CSMD1: variants seen among roughly 807,000 people sequenced by gnomAD.
CSMD1 encodes CUB and Sushi multiple domains 1.
A neutral mutation model predicts 417.5 loss-of-function variants in CSMD1; 213 were observed. That is an observed-to-expected ratio of 0.51 (90% CI 0.46 to 0.57). CSMD1 has a LOEUF of 0.57. Ranked by LOEUF, CSMD1 falls within the 20% of genes least tolerant of loss-of-function variation. CSMD1 has a pLI of 0.00. For synonymous variants in CSMD1, 2,862 were observed against 1,736.8 expected (o/e 1.65, Z -16.11); for missense variants, 6,923 against 4,529.7 (o/e 1.53, Z -15.17).
chr8:3,968,753 C>T (rs1417421971), intron 5 of CSMD1, among the ~76,000 whole-genome samples: 1 of 152,072 alleles, frequency 6.6e-6, no homozygotes, highest in Non-Finnish European at 1.5e-5. Flanking sequence ...GCCTCAACAA[C>T]CAAAATGCTG....
intron 3 of CSMD1, among the ~76,000 whole-genome samples, chr8:4,086,483 C>T (rs527500880): frequency 6.6e-6 from 1 of 152,182 alleles, no homozygotes; most frequent in Non-Finnish European, 1.5e-5. Flanking sequence ...TCTGACTGTA[C>T]ATTCATGGAA....
intron 5 of CSMD1, among the ~76,000 whole-genome samples, chr8:3,976,790 C>T (rs768315057): frequency 1.1e-4 from 16 of 152,198 alleles, no homozygotes; most frequent in Non-Finnish European, 1.5e-4. Context: ...CTGAATGCTG[C>T]TCAAGGTCGC....
intron 1 of CSMD1, among the ~76,000 whole-genome samples, chr8:4,939,228 A>G (rs1563817803): frequency 6.6e-6 from 1 of 152,236 alleles, no homozygotes; most frequent in South Asian, 2.1e-4. Flanking sequence ...TAAAGCAAAT[A>G]TGGAAAATTA....
chr8:4,724,365 G>C (rs1809270336), intron 1 of CSMD1, among the ~76,000 whole-genome samples: 2 of 151,912 alleles, frequency 1.3e-5, no homozygotes, highest in Admixed American at 6.6e-5. Context: ...AATATAATAA[G>C]ATTTTCTAGT....
At chr8:3,351,348 T>A (rs919360847) in intron 21 of CSMD1, among the ~76,000 whole-genome samples, 1 of 152,058 alleles carries the variant, frequency 6.6e-6, no homozygotes, top group South Asian at 2.1e-4. Context: ...TGGTGACCCA[T>A]GCCTGTAATC....
At position 3,219,999 on chromosome 8, in the gene CSMD1, G is replaced by A. The variant is rs544929393; in HGVS notation, c.4485-557C>T. ...TGTCTGTACAAAAATACAAAAGTTA[G>A]TAGAGTGTGGTGGTGCACACTTGTA... is the stretch of plus-strand genomic sequence containing the variant. On this transcript the variant is annotated intron_variant, in intron 28 of 69. Transcript: ENST00000635120. Among the ~76,000 whole-genome samples, 22 of 152,180 alleles carry A rather than the reference G, an allele frequency of 1.4e-4. No homozygotes were observed. In the South Asian group the frequency reaches 4.2e-3, roughly 29 times the overall value.
At chr8:4,712,189 G>A (rs1180991101) in intron 1 of CSMD1, among the ~76,000 whole-genome samples, 1 of 152,192 alleles carries the variant, frequency 6.6e-6, no homozygotes, top group Non-Finnish European at 1.5e-5. Flanking sequence ...AGGCTCAAAT[G>A]TCTGCGAATC....
At chr8:2,986,406 C>T (rs1423748771) in intron 54 of CSMD1, among the ~76,000 whole-genome samples, 1 of 152,142 alleles carries the variant, frequency 6.6e-6, no homozygotes, top group Non-Finnish European at 1.5e-5. Context: ...GGTGTGGGTG[C>T]AAACACATAT....
intron 40 of CSMD1, 181 bp downstream of exon 40, chr8:3,151,216 T>C (rs1225869046): frequency 3.9e-6 from 2 of 519,468 alleles, no homozygotes; most frequent in Non-Finnish European, 6.8e-6. Context: ...GCTTAATTGA[T>C]TTTTCAAATA....
chr8:4,329,016 A>C (rs906327007), intron 3 of CSMD1, among the ~76,000 whole-genome samples: 6 of 152,172 alleles, frequency 3.9e-5, no homozygotes, highest in Non-Finnish European at 7.4e-5. Flanking sequence ...TGGGCTTCCA[A>C]CATCAATCTT....
chr8:3,756,772 G>C (rs115648509), intron 5 of CSMD1, among the ~76,000 whole-genome samples: 1 of 151,776 alleles, frequency 6.6e-6, no homozygotes, highest in African/African-American at 2.4e-5. Context: ...ACTTATGAAC[G>C]GTTCTGACTG....
intron 26 of CSMD1, among the ~76,000 whole-genome samples, chr8:3,254,486 A>G (rs1482972138): frequency 6.6e-6 from 1 of 152,072 alleles, no homozygotes; most frequent in Non-Finnish European, 1.5e-5. Flanking sequence ...ACTTGGTTCC[A>G]TTCTCCCTGT....
chr8:4,793,512 C>T (rs1472684111), intron 1 of CSMD1, among the ~76,000 whole-genome samples: 1 of 152,046 alleles, frequency 6.6e-6, no homozygotes, highest in Non-Finnish European at 1.5e-5. Flanking sequence ...TCCCAGACAC[C>T]TACACCAGGG....
intron 3 of CSMD1, among the ~76,000 whole-genome samples, chr8:4,062,818 C>T (rs1222137952): frequency 6.6e-6 from 1 of 151,554 alleles, no homozygotes; most frequent in South Asian, 2.1e-4. Context: ...GGATGTCTGA[C>T]TTTAGGTCTT....
rs146854847 is a variant in CSMD1, at chr8:3,900,898, C to G, written c.818+97005G>C. Among the ~76,000 whole-genome samples, 95 of 152,338 alleles carry G rather than the reference C, an allele frequency of 6.2e-4. No individual in the cohort carries two copies. The East Asian group carries it at 0.014, about 22-fold the overall frequency. On this transcript the variant is annotated intron_variant, in intron 5 of 69. Transcript: ENST00000635120. ...TGCCGTGCTCAGGCGTTTGCTTGAT[C>G]TGAGTCCTCGTGCATCCAAACACTA...
Position 3,368,663 on chromosome 8 carries a change from C to A in CSMD1, c.2899+591G>T, listed in dbSNP as rs548156992. 2.3e-4 allele frequency among the ~76,000 whole-genome samples: 35 copies of A among 152,196 alleles called. 1 individual carries two copies. In the South Asian group the frequency reaches 6.7e-3, roughly 29 times the overall value. On this transcript the variant is annotated intron_variant, in intron 19 of 69. Transcript: ENST00000635120. ...CCCAAATAGACTCTTAAAGATGACA[C>A]GTTTAGTCACAGAAAAAAGTTTCAG...
At chr8:4,977,597 C>A (rs1433150498) in intron 1 of CSMD1, among the ~76,000 whole-genome samples, 1 of 152,172 alleles carries the variant, frequency 6.6e-6, no homozygotes, top group Non-Finnish European at 1.5e-5. Flanking sequence ...TCACTGAAAT[C>A]ACTCTCCTGA....
At chr8:3,604,463 G>A (rs1212255549) in intron 8 of CSMD1, among the ~76,000 whole-genome samples, 1 of 152,084 alleles carries the variant, frequency 6.6e-6, no homozygotes, top group Admixed American at 6.5e-5. Flanking sequence ...AACATATCAT[G>A]GAAAACACGA....
At chr8:4,540,053 C>T (rs553489171) in intron 2 of CSMD1, among the ~76,000 whole-genome samples, 2 of 152,254 alleles carry the variant, frequency 1.3e-5, no homozygotes, top group East Asian at 3.9e-4. Flanking sequence ...GAACCTCCCC[C>T]GGCTTCTTTC....
Sources: allele counts gnomAD v4.1 joint callset (sites outside exome capture counted in the v4.1 genomes callset), GRCh38; gene constraint gnomAD v4.1.1; transcripts MANE v1.5; gene names NCBI Gene and HGNC (gene_info 2026-07-23, HGNC 2026-07-21).